Variants in KIF26B observed in about 807,000 individuals in gnomAD.
KIF26B encodes kinesin family member 26B.
KIF26B carries 63 observed loss-of-function variants against 151.2 expected under a neutral mutation model. The ratio of observed to expected loss-of-function variants is 0.42; its 90% confidence interval spans 0.34 to 0.51. The LOEUF is 0.51. Among genes scored for constraint, KIF26B ranks in the 20% least tolerant of loss-of-function variants. The probability of loss-of-function intolerance (pLI) is 0.07; values close to 1 mark genes in which losing one functional copy is unlikely to be tolerated. For synonymous variants in KIF26B, 1,357 were observed against 1,262.1 expected (o/e 1.08, Z -1.59); for missense variants, 2,813 against 2,913.6 (o/e 0.97, Z 0.79).
rs1185704436 is a variant in KIF26B, at chr1:245,540,598, A to T, written c.1167-169A>T. On this transcript the variant is annotated intron_variant, in intron 4 of 14. Transcript: ENST00000407071. This position sits in a 1 kb window ranked among gnomAD's most constrained non-coding sequence, Gnocchi z 4.6. ...GTATAAATGATTGGGTAGCTCGTTAACTTCACTCTGTTATAGTAAGGGACT... is the reference window on the plus strand; with the variant it reads ...GTATAAATGATTGGGTAGCTCGTTATCTTCACTCTGTTATAGTAAGGGACT... The T allele has an allele frequency of 1.3e-6, 1 of 750,400 alleles. No homozygotes were observed. The highest frequency in any genetic ancestry group is 1.4e-5 in the South Asian group (1 of 70,052). The allele number at this position is 750,400 out of a possible 1,614,324, so 46.5% of individuals were successfully genotyped here.
At chr1:245,164,900 CCGTCTCTA>C (rs770339648) in intron 2 of KIF26B, among the ~76,000 whole-genome samples, 13 of 152,064 alleles carry the variant, frequency 8.5e-5, no homozygotes, top group Non-Finnish European at 1.6e-4. Context: ...TGGTGAAACC[CCGTCTCTA>C]CTAAAAATAC....
At chr1:245,339,512 G>A (rs1375613952) in intron 2 of KIF26B, among the ~76,000 whole-genome samples, 1 of 152,122 alleles carries the variant, frequency 6.6e-6, no homozygotes, top group Non-Finnish European at 1.5e-5. Flanking sequence ...ACAAGTTTCT[G>A]AGATTGTAGA....
intron 3 of KIF26B, among the ~76,000 whole-genome samples, chr1:245,390,797 A>G (rs1673666151): frequency 6.6e-6 from 1 of 151,850 alleles, no homozygotes; most frequent in Admixed American, 6.6e-5. Flanking sequence ...ATTAATCATA[A>G]AATTTTGGCC....
At chr1:245,570,874 C>T (rs934853718) in intron 5 of KIF26B, among the ~76,000 whole-genome samples, 1 of 152,116 alleles carries the variant, frequency 6.6e-6, no homozygotes, top group African/African-American at 2.4e-5. Context: ...ATATATTGGT[C>T]TTATTGTGCT....
At chr1:245,221,487 A>T (rs908609683) in intron 2 of KIF26B, among the ~76,000 whole-genome samples, 8 of 151,348 alleles carry the variant, frequency 5.3e-5, no homozygotes, top group African/African-American at 1.9e-4. Context: ...AGCTCACTGT[A>T]ACCTTCGCTT....
intron 9 of KIF26B, 118 bp from the exon 10 acceptor site, chr1:245,646,003 G>A (rs980395256): frequency 1.6e-5 from 18 of 1,097,354 alleles, no homozygotes; most frequent in Admixed American, 2.6e-5. Context: ...GGTCATGAAC[G>A]TCAACCTTTT....
At chr1:245,379,634 T>C (rs1279726216) in intron 3 of KIF26B, among the ~76,000 whole-genome samples, 3 of 152,114 alleles carry the variant, frequency 2.0e-5, no homozygotes, top group African/African-American at 7.2e-5. Context: ...ACCTTTCTTT[T>C]AAAATTATTA....
intron 2 of KIF26B, among the ~76,000 whole-genome samples, chr1:245,238,265 G>A (rs758697616): frequency 2.0e-5 from 3 of 152,100 alleles, no homozygotes; most frequent in Non-Finnish European, 4.4e-5. Flanking sequence ...GAACCCAAGA[G>A]GCAGAGGTTG....
intron 2 of KIF26B, among the ~76,000 whole-genome samples, chr1:245,294,701 C>G (rs1671308618): frequency 6.6e-6 from 1 of 152,074 alleles, no homozygotes; most frequent in South Asian, 2.1e-4. Context: ...GCTCTGTTAC[C>G]CAGGCTTCTG....
chr1:245,640,144 T>TCTAA (rs1558247536), intron 9 of KIF26B, among the ~76,000 whole-genome samples: 1 of 73,266 alleles, frequency 1.4e-5, no homozygotes, highest in African/African-American at 6.2e-5. Context: ...TCTCTCTCTC[T>TCTAA]ATATATATAT....
chr1:245,247,864 C>A (rs75919566), intron 2 of KIF26B, among the ~76,000 whole-genome samples: 11,863 of 152,256 alleles, frequency 0.078, 612 homozygotes, highest in Middle Eastern at 0.13. Flanking sequence ...GAAATCCTGG[C>A]CATTTTTTCT....
chr1:245,571,908 A>G (rs1424738880), intron 5 of KIF26B, among the ~76,000 whole-genome samples: 1 of 152,202 alleles, frequency 6.6e-6, no homozygotes, highest in Non-Finnish European at 1.5e-5. Flanking sequence ...ATCTACCATC[A>G]AAGGGGCTAA....
chr1:245,684,863 C>A (rs1216977002), intron 11 of KIF26B, among the ~76,000 whole-genome samples: 2 of 152,188 alleles, frequency 1.3e-5, no homozygotes, highest in Admixed American at 1.3e-4. Flanking sequence ...CTGCTTTTGT[C>A]CTGGCAATTC....
chr1:245,497,595 T>C (rs1035108313), intron 4 of KIF26B, among the ~76,000 whole-genome samples: 5 of 152,152 alleles, frequency 3.3e-5, no homozygotes, highest in African/African-American at 9.7e-5. Flanking sequence ...TGAAATGAAA[T>C]GATGAAAATT....
intron 2 of KIF26B, among the ~76,000 whole-genome samples, chr1:245,309,950 G>T (rs1307358020): frequency 7.6e-6 from 1 of 131,116 alleles, no homozygotes; most frequent in South Asian, 2.5e-4. Context: ...CTCACTATAT[G>T]TATATATATC....
At position 245,299,602 on chromosome 1, in the gene KIF26B, C is replaced by T. The variant is rs117949311; in HGVS notation, c.466-67232C>T. The stretch of plus-strand genomic sequence containing the variant: ...TTCAGTTCTTACAACAGTCCTGAGA[C>T]AGAGTTCAGCAGGTGTCCCCATCTC... On this transcript the variant is annotated intron_variant, in intron 2 of 14. Transcript: ENST00000407071. 2.5e-3 allele frequency among the ~76,000 whole-genome samples: 375 copies of T among 152,232 alleles called. 6 individuals carry two copies. In the East Asian group the frequency reaches 0.049, roughly 20 times the overall value.
At chr1:245,639,591 T>C (rs542573998) in intron 9 of KIF26B, among the ~76,000 whole-genome samples, 21 of 152,010 alleles carry the variant, frequency 1.4e-4, no homozygotes, top group African/African-American at 4.1e-4. Context: ...ATTTTTAATG[T>C]AGGTATTTAT....
intron 2 of KIF26B, among the ~76,000 whole-genome samples, chr1:245,325,112 GAAAAAAA>G: frequency 8.1e-6 from 1 of 123,060 alleles, no homozygotes; most frequent in South Asian, 2.4e-4. Flanking sequence ...AAAAAAAAAA[GAAAAAAA>G]GAAAAAAGAA....
intron 3 of KIF26B, among the ~76,000 whole-genome samples, chr1:245,399,975 A>G (rs1673955193): frequency 6.6e-6 from 1 of 152,240 alleles, no homozygotes; most frequent in South Asian, 2.1e-4. Context: ...CTTTCTTAGT[A>G]TAATCCCCTA....
Sources: allele counts gnomAD v4.1 joint callset (sites outside exome capture counted in the v4.1 genomes callset), GRCh38; gene constraint gnomAD v4.1.1; non-coding constraint Gnocchi (gnomAD v3.1); transcripts MANE v1.5; gene names NCBI Gene and HGNC (gene_info 2026-07-23, HGNC 2026-07-21).